Variants in NR3C2 observed in about 807,000 individuals in gnomAD.
NR3C2 encodes nuclear receptor subfamily 3 group C member 2.
NR3C2 carries 15 observed loss-of-function variants against 86.4 expected under a neutral mutation model. The observed-to-expected ratio is 0.17, with a 90% CI of 0.12 to 0.27. The LOEUF (loss-of-function observed/expected upper bound fraction) is 0.27. NR3C2 is among the 10% of genes least tolerant of loss of function. NR3C2 has a pLI of 1.00. For synonymous variants in NR3C2, 458 were observed against 450.5 expected (o/e 1.02, Z -0.21); for missense variants, 960 against 1,195.6 (o/e 0.80, Z 2.91).
intron 3 of NR3C2, among the ~76,000 whole-genome samples, chr4:148,212,339 T>A (rs546097851): frequency 3.7e-4 from 56 of 152,370 alleles, no homozygotes; most frequent in Non-Finnish European, 4.8e-4. Context: ...ATCTTATGCA[T>A]CAATAGAGCC....
Position 148,081,328 on chromosome 4 carries a change from TC to T in NR3C2, c.*15del. On this transcript the variant is annotated 3_prime_UTR_variant, in exon 9 of 9. Transcript: ENST00000358102. The stretch of plus-strand genomic sequence containing the variant: ...ACAGGGAAACTTAAGGCAAAGTTCT[TC>T]TGGGCAGCGGGCAGTCACTTCCGGT... The T allele has an allele frequency of 6.2e-7, 1 of 1,614,188 alleles. No homozygotes were observed. Among genetic ancestry groups the T allele is most frequent in the Admixed American group, 1.7e-5 (1 of 60,022 alleles).
At chr4:148,319,686 G>C (rs929049006) in intron 2 of NR3C2, among the ~76,000 whole-genome samples, 1 of 150,852 alleles carries the variant, frequency 6.6e-6, no homozygotes, top group African/African-American at 2.5e-5. Context: ...TTTGTCTGTT[G>C]TTGGTGTATA....
intron 4 of NR3C2, among the ~76,000 whole-genome samples, chr4:148,162,531 G>A (rs920795693): frequency 1.3e-5 from 2 of 152,154 alleles, no homozygotes; most frequent in African/African-American, 4.8e-5. Context: ...GAACCTCAGG[G>A]GAAGAGGAAA....
At chr4:148,103,104 C>G (rs928587752) in intron 8 of NR3C2, among the ~76,000 whole-genome samples, 4 of 152,166 alleles carry the variant, frequency 2.6e-5, no homozygotes, top group Non-Finnish European at 4.4e-5. Context: ...CTTAGAATAG[C>G]TTCCATCTAT....
In NR3C2 at chr4:148,410,824, C is replaced by T. The variant is rs559055497; in HGVS notation, c.1757+24280G>A. 2.0e-5 allele frequency among the ~76,000 whole-genome samples: 3 copies of T among 152,204 alleles called. No homozygotes were observed. The South Asian group carries it at 6.2e-4, about 32-fold the overall frequency. ...AGGTAATAATGCTATAATTCATGTGCCCACACAGTACAAGAGTATCACACA... is the reference window on the plus strand; with the variant it reads ...AGGTAATAATGCTATAATTCATGTGTCCACACAGTACAAGAGTATCACACA... On this transcript the variant is annotated intron_variant, in intron 2 of 8. Transcript: ENST00000358102.
chr4:148,155,940 C>A lies in NR3C2; in HGVS notation c.2015-1039G>T, dbSNP rs187340988. ...TATAGATCAATGGAACAGAACAGAG[C>A]CCTCAGAAATAACGCCACATATCGA... is the stretch of plus-strand genomic sequence containing the variant. On this transcript the variant is annotated intron_variant, in intron 4 of 8. Coordinates refer to ENST00000358102, the MANE Select transcript of NR3C2 (RefSeq NM_000901.5). Among the ~76,000 whole-genome samples, 462 of 152,158 alleles carry A rather than the reference C, an allele frequency of 3.0e-3. 9 individuals carry two copies. The highest frequency in any genetic ancestry group is 0.023 in the Admixed American group (352 of 15,272).
At chr4:148,436,919 A>C (rs1750111326) in intron 1 of NR3C2, 57 bp from the exon 2 acceptor site, 2 of 1,345,914 alleles carry the variant, frequency 1.5e-6, no homozygotes, top group Non-Finnish European at 2.0e-6. Flanking sequence ...ATTACTCTAA[A>C]AGACATTCTA....
chr4:148,253,940 C>T (rs1739700227), intron 3 of NR3C2, among the ~76,000 whole-genome samples: 1 of 152,136 alleles, frequency 6.6e-6, no homozygotes, highest in African/African-American at 2.4e-5. Flanking sequence ...TCATCCCTTG[C>T]CCTCAGAGCT....
At position 148,436,517 on chromosome 4, in the gene NR3C2, G is replaced by C; in HGVS notation, c.344C>G (p.Ala115Gly). ...GTTCTGCTGCTCATAGGAATAGTCA[G>C]CATCTCTTACAGAATCCATATATAA... ...MGLYMDSVRD[A>G]DYSYEQQNQQ... Residue 115 changes from alanine to glycine, a missense_variant, in exon 2 of 9, where the codon GCT becomes GGT. Ala to Gly is a moderately conservative substitution (Grantham distance 60). Transcript: ENST00000358102. 6.2e-7 allele frequency: 1 copy of C among 1,614,164 alleles called. No homozygotes were observed. The highest frequency in any genetic ancestry group is 8.5e-7 in the Non-Finnish European group (1 of 1,180,038).
chr4:148,148,145 C>T (rs764584799), intron 6 of NR3C2, among the ~76,000 whole-genome samples: 1 of 124,410 alleles, frequency 8.0e-6, no homozygotes, highest in South Asian at 2.5e-4. Context: ...TCTCCCTTCC[C>T]CTGCCCTTCC....
At chr4:148,190,103 T>C (rs1736125436) in intron 4 of NR3C2, among the ~76,000 whole-genome samples, 1 of 152,230 alleles carries the variant, frequency 6.6e-6, no homozygotes, top group South Asian at 2.1e-4. Flanking sequence ...TTGTTCTTGT[T>C]TCTCTACTTC....
chr4:148,318,360 G>T (rs1355730329), intron 2 of NR3C2, among the ~76,000 whole-genome samples: 2 of 151,428 alleles, frequency 1.3e-5, no homozygotes, highest in African/African-American at 4.9e-5. Context: ...CTTTATAGCA[G>T]CATGATTTAT....
rs567949694 is a variant in NR3C2, at chr4:148,316,347, A to G, written c.1758-56230T>C. ...GTTATGTATAATAAAGTATATTTAT[A>G]TATTTATGCGGAACATGTATTATAT... On this transcript the variant is annotated intron_variant, in intron 2 of 8. Coordinates refer to ENST00000358102, the MANE Select transcript of NR3C2 (RefSeq NM_000901.5). Among the ~76,000 whole-genome samples, 12 of 152,284 alleles carry G rather than the reference A, an allele frequency of 7.9e-5. No individual in the cohort carries two copies. In the South Asian group the frequency reaches 2.5e-3, roughly 32 times the overall value.
At chr4:148,173,040 G>A (rs1735206454) in intron 4 of NR3C2, among the ~76,000 whole-genome samples, 1 of 152,200 alleles carries the variant, frequency 6.6e-6, no homozygotes, top group African/African-American at 2.4e-5. Context: ...TATTAGCACA[G>A]CGGGGGAATA....
At chr4:148,228,194 T>C (rs1418218282) in intron 3 of NR3C2, among the ~76,000 whole-genome samples, 1 of 152,216 alleles carries the variant, frequency 6.6e-6, no homozygotes, top group Non-Finnish European at 1.5e-5. Flanking sequence ...TCCTGGCTGA[T>C]CTTCCCTGTA....
At chr4:148,230,599 T>C (rs187786194) in intron 3 of NR3C2, among the ~76,000 whole-genome samples, 10 of 152,352 alleles carry the variant, frequency 6.6e-5, no homozygotes, top group Admixed American at 2.0e-4. Context: ...TTTTGTATTA[T>C]TGAAGTCAAT....
intron 1 of NR3C2, among the ~76,000 whole-genome samples, chr4:148,441,540 TAAATTGAGTAGGCAAAGCCACGCACCTA>T (rs1376721752): frequency 6.6e-6 from 1 of 152,238 alleles, no homozygotes; most frequent in Non-Finnish European, 1.5e-5. Context: ...CTGGTCTTTT[TAAATTGAGTAGGCAAAGCCACGCACCTA>T]AAATTCAGTA....
At position 148,414,625 on chromosome 4, in the gene NR3C2, C is replaced by CA. The variant is rs1407648509; in HGVS notation, c.1757+20478dup. ...GCATTTTGACCTTAATGTTATTTTTCAAAAAAAATACTCAAAAATTATTAC... is the reference window on the plus strand; with the variant it reads ...GCATTTTGACCTTAATGTTATTTTTCAAAAAAAAATACTCAAAAATTATTAC... On this transcript the variant is annotated intron_variant, in intron 2 of 8. Transcript: ENST00000358102. 4.6e-5 allele frequency among the ~76,000 whole-genome samples: 7 copies of CA among 151,262 alleles called. 1 individual carries two copies. Among genetic ancestry groups the CA allele is most frequent in the Admixed American group, 3.9e-4 (6 of 15,224 alleles).
At chr4:148,126,883 A>G (rs768104909) in intron 6 of NR3C2, among the ~76,000 whole-genome samples, 1 of 152,202 alleles carries the variant, frequency 6.6e-6, no homozygotes, top group Non-Finnish European at 1.5e-5. Context: ...AATTTTAGGT[A>G]CATGTGAAGC....
Sources: gnomAD v4.1 joint callset for allele counts (sites outside exome capture counted in the v4.1 genomes callset) on GRCh38, gnomAD v4.1.1 for gene constraint, MANE v1.5 for transcripts, NCBI Gene and HGNC (gene_info 2026-07-23, HGNC 2026-07-21) for gene names.